The following SDCCAG8 variants were observed in gnomAD, a reference collection of about 807,000 sequenced individuals.
The protein encoded by SDCCAG8 is SHH signaling and ciliogenesis regulator SDCCAG8.
SDCCAG8 carries 74 observed loss-of-function variants against 101.8 expected under a neutral mutation model. The observed-to-expected ratio is 0.73, with a 90% CI of 0.60 to 0.88. The LOEUF is 0.88. Ranked by LOEUF, SDCCAG8 falls within the 40% of genes least tolerant of loss-of-function variation. The pLI, the probability that SDCCAG8 is intolerant of heterozygous loss-of-function variation, is 0.00. For missense variants in SDCCAG8, 787 were observed against 822.6 expected, an observed-to-expected ratio of 0.96 and a Z score of 0.53; for synonymous variants, 281 against 292.9, an observed-to-expected ratio of 0.96 and a Z score of 0.41.
At chr1:243,258,805 A>G (rs1252936554) in intron 1 of SDCCAG8, among the ~76,000 whole-genome samples, 1 of 152,200 alleles carries the variant, frequency 6.6e-6, no homozygotes, top group African/African-American at 2.4e-5. Context: ...TAAGAATTGT[A>G]TTACTATGTA....
chr1:243,426,418 C>A lies in SDCCAG8; in HGVS notation c.1854-9C>A. ...CTAACATCTATTATTTTTGTGTTTT[C>A]ACCTCTAGATCTGAAATAGCTCAAC... On this transcript the variant is annotated splice_polypyrimidine_tract_variant and intron_variant, in intron 15 of 17. Transcript: ENST00000366541. 1.2e-6 allele frequency: 2 copies of A among 1,611,242 alleles called. No individual in the cohort carries two copies. Among genetic ancestry groups the A allele is most frequent in the Non-Finnish European group, 1.7e-6 (2 of 1,177,876 alleles).
chr1:243,290,325 A>G (rs571489750), intron 5 of SDCCAG8, among the ~76,000 whole-genome samples: 22 of 152,290 alleles, frequency 1.4e-4, no homozygotes, highest in Non-Finnish European at 2.6e-4. Flanking sequence ...TTTTAAAACT[A>G]TCTGTGAAAG....
rs114459714 is a variant in SDCCAG8 at position 243,397,450 on chromosome 1, G to A, written c.1617-18252G>A. ...ATTATGATAATACTAAAATTATGTC[G>A]TCAGCTAGGAAAAGAAAAAAATTTA... On this transcript the variant is annotated intron_variant, in intron 13 of 17. Coordinates refer to ENST00000366541, the MANE Select transcript of SDCCAG8 (RefSeq NM_006642.5). 2.3e-3 allele frequency among the ~76,000 whole-genome samples: 347 copies of A among 152,006 alleles called. 4 individuals are homozygous for A. Among genetic ancestry groups the A allele is most frequent in the African/African-American group, 7.9e-3 (327 of 41,446 alleles).
intron 16 of SDCCAG8, among the ~76,000 whole-genome samples, chr1:243,485,366 G>A (rs1664580188): frequency 6.6e-6 from 1 of 152,192 alleles, no homozygotes; most frequent in Non-Finnish European, 1.5e-5. Flanking sequence ...GTGGCGCAGT[G>A]AGCCCAGGGG....
At chr1:243,497,740 AC>A (rs1374896490) in intron 17 of SDCCAG8, among the ~76,000 whole-genome samples, 1 of 152,112 alleles carries the variant, frequency 6.6e-6, no homozygotes, top group Non-Finnish European at 1.5e-5. Context: ...TGTGTTCTCT[AC>A]CCAAAATTCA....
intron 13 of SDCCAG8, among the ~76,000 whole-genome samples, chr1:243,411,758 G>C (rs139630208): frequency 1.3e-5 from 2 of 152,106 alleles, no homozygotes; most frequent in African/African-American, 4.8e-5. Flanking sequence ...GCTGTATGTG[G>C]CATTGTTCCT....
At chr1:243,381,899 G>A (rs1046689146) in intron 13 of SDCCAG8, among the ~76,000 whole-genome samples, 8 of 152,216 alleles carry the variant, frequency 5.3e-5, no homozygotes, top group East Asian at 1.9e-4. Flanking sequence ...AGGTGAAGGC[G>A]ATAGTCAAAG....
At position 243,437,682 on chromosome 1, in the gene SDCCAG8, A is replaced by G. The variant is rs558201602; in HGVS notation, c.1985+11124A>G. On this transcript the variant is annotated intron_variant, in intron 16 of 17. Transcript: ENST00000366541. ...CTCCCGAGTAGCTGGGACTACAGGCACCCGCCACCAGGCCTGGCTAATTTT... is the reference window on the plus strand; with the variant it reads ...CTCCCGAGTAGCTGGGACTACAGGCGCCCGCCACCAGGCCTGGCTAATTTT... 7.9e-5 allele frequency among the ~76,000 whole-genome samples: 12 copies of G among 151,930 alleles called. No homozygotes were observed. The South Asian group carries it at 2.1e-3, about 26-fold the overall frequency.
At chr1:243,276,435 G>A (rs1023870387) in intron 4 of SDCCAG8, among the ~76,000 whole-genome samples, 1 of 152,158 alleles carries the variant, frequency 6.6e-6, no homozygotes. Flanking sequence ...TTAAAATAAT[G>A]TTTAAGTGGT....
In SDCCAG8 at chr1:243,429,581, C is replaced by G. The variant is rs189761276; in HGVS notation, c.1985+3023C>G. Among the ~76,000 whole-genome samples the G allele has an allele frequency of 1.4e-4, 22 of 152,104 alleles. No homozygotes were observed. The East Asian group carries it at 4.2e-3, about 29-fold the overall frequency. On this transcript the variant is annotated intron_variant, in intron 16 of 17. Transcript: ENST00000366541. Reference sequence around the variant, plus strand: ...TAAAAAATTATTTTTAAGAGAATATCTCACTCTGTCGCCCAGGCTGAAGTG... The same window carrying G: ...TAAAAAATTATTTTTAAGAGAATATGTCACTCTGTCGCCCAGGCTGAAGTG...
At chr1:243,375,921 TATTTGTTGATTTTGATTATCTGCACCA>T (rs1302061101) in intron 12 of SDCCAG8, among the ~76,000 whole-genome samples, 3 of 152,290 alleles carry the variant, frequency 2.0e-5, no homozygotes, top group Admixed American at 2.0e-4. Flanking sequence ...CTGGTTAGAT[TATTTGTTGATTTTGATTATCTGCACCA>T]ATAAGCTCTT....
intron 4 of SDCCAG8, among the ~76,000 whole-genome samples, chr1:243,275,276 G>A (rs976440082): frequency 6.7e-6 from 1 of 148,940 alleles, no homozygotes. Context: ...TTTTTTTTCT[G>A]TTTCTTTCTC....
intron 15 of SDCCAG8, among the ~76,000 whole-genome samples, chr1:243,418,485 G>T (rs557743540): frequency 6.6e-6 from 1 of 152,258 alleles, no homozygotes; most frequent in African/African-American, 2.4e-5. Context: ...GATGAAATGT[G>T]TATATATAAA....
Position 243,492,611 on chromosome 1 carries a change from T to G in SDCCAG8, c.2112+3471T>G, listed in dbSNP as rs1574410329. 2.1e-5 allele frequency among the ~76,000 whole-genome samples: 3 copies of G among 142,550 alleles called. No homozygotes were observed. The South Asian group carries it at 6.9e-4, about 33-fold the overall frequency. 93.5% of individuals were successfully genotyped at this position (142,550 alleles called of 152,430 possible). On this transcript the variant is annotated intron_variant, in intron 17 of 17. Coordinates refer to ENST00000366541, the MANE Select transcript of SDCCAG8 (RefSeq NM_006642.5). ...GAGCCACTGCGCCCAGCTGTTTTTT[T>G]TTTTTTTTTTTTTTTTGATGAGTTT...
chr1:243,405,526 A>G (rs1297661957), intron 13 of SDCCAG8, among the ~76,000 whole-genome samples: 3 of 152,228 alleles, frequency 2.0e-5, no homozygotes, highest in African/African-American at 4.8e-5. Context: ...GCAACGATCC[A>G]TAGGCACTTA....
At chr1:243,463,157 A>C (rs377610312) in intron 16 of SDCCAG8, among the ~76,000 whole-genome samples, 58 of 152,332 alleles carry the variant, frequency 3.8e-4, no homozygotes, top group Middle Eastern at 3.4e-3. Flanking sequence ...GGGTACCAGC[A>C]GGATTCAGTC....
At chr1:243,424,891 A>AT (rs2081240906) in intron 15 of SDCCAG8, among the ~76,000 whole-genome samples, 1 of 151,896 alleles carries the variant, frequency 6.6e-6, no homozygotes, top group East Asian at 1.9e-4. Flanking sequence ...AATGTTCTGC[A>AT]TTTTTTTCTA....
chr1:243,277,899 G>A (rs539950714), intron 4 of SDCCAG8, among the ~76,000 whole-genome samples: 1 of 152,234 alleles, frequency 6.6e-6, no homozygotes, highest in Non-Finnish European at 1.5e-5. Context: ...CTTGATTACT[G>A]TAGCTTTACA....
At chr1:243,288,735 G>T (rs1000126405) in intron 5 of SDCCAG8, among the ~76,000 whole-genome samples, 2 of 152,116 alleles carry the variant, frequency 1.3e-5, no homozygotes, top group Non-Finnish European at 2.9e-5. Flanking sequence ...GTGGCCAGGC[G>T]CAGTGGCTCA....
Sources: gnomAD v4.1 joint callset for allele counts (sites outside exome capture counted in the v4.1 genomes callset) on GRCh38, gnomAD v4.1.1 for gene constraint, MANE v1.5 for transcripts, NCBI Gene and HGNC (gene_info 2026-07-23, HGNC 2026-07-21) for gene names.